The following CD38 variants were observed in gnomAD, a reference collection of about 807,000 sequenced individuals.
The protein encoded by CD38 is ADP-ribosyl cyclase/cyclic ADP-ribose hydrolase 1.
CD38 carries 31 observed loss-of-function variants against 36.3 expected under a neutral mutation model. The observed-to-expected ratio is 0.85, with a 90% confidence interval of 0.64 to 1.15. The LOEUF (loss-of-function observed/expected upper bound fraction) is 1.15, where lower values mean the gene tolerates loss of function less well. Ranked by LOEUF, CD38 falls within the 50% of genes most tolerant of loss-of-function variation. The pLI is 0.00. For synonymous variants in CD38, 131 were observed against 135.2 expected, an observed-to-expected ratio of 0.97 and a Z score of 0.22; for missense variants, 380 against 371.9, an observed-to-expected ratio of 1.02 and a Z score of -0.18.
chr4:15,778,479 C>A lies in CD38; in HGVS notation c.65C>A (p.Ala22Asp), dbSNP rs573496532. Residue 22 changes from alanine (A) to aspartate (D), a missense_variant, in exon 1 of 8, where the codon GCC (alanine) becomes GAC (aspartate). Ala to Asp is a moderately radical substitution (Grantham distance 126). Transcript: ENST00000226279. The surrounding 1 kb of genome is among the most constrained non-coding windows in gnomAD (Gnocchi z 4.9). ...CCCTGCTGCCGGCTCTCTAGGAGAG[C>A]CCAACTCTGTCTTGGCGTCAGTATC... ...DKPCCRLSRRAQLCLGVSILV... is the reference protein window; with the variant it reads ...DKPCCRLSRRDQLCLGVSILV... 6.8e-6 allele frequency: 11 copies of A among 1,613,952 alleles called. No individual in the cohort carries two copies. In the East Asian group the frequency reaches 8.9e-5, roughly 13 times the overall value.
At chr4:15,792,393 T>A in intron 1 of CD38, among the ~76,000 whole-genome samples, 1 of 109,798 alleles carries the variant, frequency 9.1e-6, no homozygotes, top group Non-Finnish European at 1.7e-5. Context: ...CAAATCCCCC[T>A]CTGCGAGAAA....
At chr4:15,821,830 T>C (rs1723742990) in intron 2 of CD38, among the ~76,000 whole-genome samples, 1 of 151,892 alleles carries the variant, frequency 6.6e-6, no homozygotes, top group African/African-American at 2.4e-5. Flanking sequence ...CCTAACTCAT[T>C]TTATGAGACT....
At chr4:15,848,447 C>T (rs1356234717) in intron 7 of CD38, 92 bp from the exon 8 acceptor site, 16 of 844,272 alleles carry the variant, frequency 1.9e-5, no homozygotes, top group East Asian at 1.3e-4. Context: ...TGCACCTTGT[C>T]GTCGCTAAAA....
intron 1 of CD38, among the ~76,000 whole-genome samples, chr4:15,810,121 C>T (rs941211568): frequency 5.3e-5 from 8 of 152,254 alleles, no homozygotes; most frequent in African/African-American, 1.4e-4. Context: ...TCAACTCTAA[C>T]GTTCTATAGC....
intron 1 of CD38, among the ~76,000 whole-genome samples, chr4:15,811,588 G>C (rs1265696667): frequency 1.3e-5 from 2 of 151,992 alleles, no homozygotes; most frequent in East Asian, 1.9e-4. Context: ...GATGGTAACT[G>C]TAAGACTTTA....
intron 1 of CD38, among the ~76,000 whole-genome samples, chr4:15,795,670 C>T (rs1723091020): frequency 6.6e-6 from 1 of 152,086 alleles, no homozygotes. Flanking sequence ...ACGGCCTCAG[C>T]ATAAGTAGTC....
chr4:15,790,307 C>G (rs1265133810), intron 1 of CD38, among the ~76,000 whole-genome samples: 3 of 151,864 alleles, frequency 2.0e-5, no homozygotes, highest in South Asian at 4.2e-4. Context: ...CTCAGCCTGC[C>G]GAGTGCCTGC....
intron 1 of CD38, among the ~76,000 whole-genome samples, chr4:15,806,630 T>A (rs1319941722): frequency 6.6e-6 from 1 of 151,962 alleles, no homozygotes; most frequent in African/African-American, 2.4e-5. Context: ...CCACCTTGGG[T>A]AGGTCAGAGA....
chr4:15,839,528 A>G (rs1305955745), intron 5 of CD38, among the ~76,000 whole-genome samples: 1 of 138,958 alleles, frequency 7.2e-6, no homozygotes, highest in Non-Finnish European at 1.5e-5. Context: ...GGTTCACGCC[A>G]TTCTCCTCCC....
intron 1 of CD38, among the ~76,000 whole-genome samples, chr4:15,803,785 G>T (rs1723278681): frequency 6.6e-6 from 1 of 152,022 alleles, no homozygotes; most frequent in South Asian, 2.1e-4. Flanking sequence ...ATGTGGTTTT[G>T]CAACCCTTCC....
chr4:15,809,878 C>A (rs886952238), intron 1 of CD38, among the ~76,000 whole-genome samples: 25 of 152,312 alleles, frequency 1.6e-4, no homozygotes, highest in African/African-American at 5.5e-4. Context: ...CTACTGCAGT[C>A]CCAATCCCTT....
At chr4:15,838,203 G>T (rs1171063521) in intron 5 of CD38, 38 bp downstream of exon 5, 3 of 1,352,036 alleles carry the variant, frequency 2.2e-6, no homozygotes, top group East Asian at 2.3e-5. Context: ...CAAGTATCCT[G>T]TTGCAAATAT....
At chr4:15,848,078 A>G (rs1436131634) in intron 7 of CD38, among the ~76,000 whole-genome samples, 1 of 152,154 alleles carries the variant, frequency 6.6e-6, no homozygotes, top group Non-Finnish European at 1.5e-5. Flanking sequence ...ATTCCTCGCT[A>G]TCCACCATCC....
intron 3 of CD38, among the ~76,000 whole-genome samples, chr4:15,826,545 A>G (rs1478046553): frequency 1.3e-5 from 2 of 151,982 alleles, no homozygotes; most frequent in Admixed American, 6.6e-5. Context: ...TTCAATGTTA[A>G]AGGATAAATT....
chr4:15,837,854 A>C, intron 4 of CD38, among the ~76,000 whole-genome samples: 1 of 152,190 alleles, frequency 6.6e-6, no homozygotes, highest in East Asian at 1.9e-4. Context: ...AGCTCTATGA[A>C]CTATAACACT....
chr4:15,791,573 A>G (rs1275507273), intron 1 of CD38, among the ~76,000 whole-genome samples: 8 of 47,968 alleles, frequency 1.7e-4, no homozygotes, highest in Admixed American at 1.9e-4. Context: ...TCCGGGAGGG[A>G]GGTGGGGGGG....
intron 1 of CD38, among the ~76,000 whole-genome samples, chr4:15,798,624 G>A (rs899234446): frequency 3.3e-5 from 5 of 152,180 alleles, no homozygotes; most frequent in Admixed American, 2.0e-4. Context: ...TGGAGAGTAC[G>A]GAACCAACGG....
At chr4:15,833,799 G>C (rs753079930) in intron 3 of CD38, among the ~76,000 whole-genome samples, 3 of 152,236 alleles carry the variant, frequency 2.0e-5, no homozygotes, top group Non-Finnish European at 4.4e-5. Context: ...CTGAGAGTAA[G>C]TGGTGAAGAC....
intron 2 of CD38, among the ~76,000 whole-genome samples, chr4:15,817,972 C>T (rs906941418): frequency 6.6e-6 from 1 of 152,058 alleles, no homozygotes; most frequent in Non-Finnish European, 1.5e-5. Flanking sequence ...TTTTTCGTAC[C>T]CCAGTGGCGC....
Sources: gnomAD v4.1 joint callset for allele counts (sites outside exome capture counted in the v4.1 genomes callset) on GRCh38, gnomAD v4.1.1 for gene constraint, Gnocchi (gnomAD v3.1) non-coding constraint, MANE v1.5 for transcripts, NCBI Gene and HGNC (gene_info 2026-07-23, HGNC 2026-07-21) for gene names.